The following AURKA variants were observed in gnomAD, a reference collection of about 807,000 sequenced individuals.
AURKA encodes aurora 2.
AURKA carries 12 observed loss-of-function variants against 40.9 expected under a neutral mutation model. The observed-to-expected ratio is 0.29, with a 90% confidence interval of 0.19 to 0.48. AURKA has a LOEUF of 0.48. Among genes scored for constraint, AURKA ranks in the 20% least tolerant of loss-of-function variants. AURKA has a pLI of 0.99. For synonymous variants in AURKA, 170 were observed against 164.3 expected (o/e 1.03, Z -0.26); for missense variants, 322 against 462.1 (o/e 0.70, Z 2.78).
At position 56,383,857 on chromosome 20, in the gene AURKA, G is replaced by C. The variant is rs2426616; in HGVS notation, c.374+413C>G. Among the ~76,000 whole-genome samples the C allele has an allele frequency of 0.01, 1,524 of 152,228 alleles. 49 individuals are homozygous for C. The East Asian group carries it at 0.12, about 12-fold the overall frequency. On this transcript the variant is annotated intron_variant, in intron 4 of 8. Transcript: ENST00000395915. ...CATTACAGCCAACCTTTACAATAAA[G>C]AACTAAAACTATAATACTGTCAAAA...
chr20:56,389,711 C>G (rs1225752817), intron 1 of AURKA, among the ~76,000 whole-genome samples: 1 of 152,196 alleles, frequency 6.6e-6, no homozygotes, highest in African/African-American at 2.4e-5. Flanking sequence ...CCACTCTCAC[C>G]TCCCCAAATC....
intron 1 of AURKA, chr20:56,390,520 T>C (rs1023049244): frequency 6.6e-6 from 1 of 152,154 alleles, no homozygotes; most frequent in African/African-American, 2.4e-5. Context: ...TTGGTAGGGC[T>C]GGTCTGGAAC....
chr20:56,373,237 T>C lies in AURKA; in HGVS notation c.854+171A>G, dbSNP rs1984505124. Among the ~76,000 whole-genome samples, 1 of 152,234 alleles carries C rather than the reference T, an allele frequency of 6.6e-6. No homozygotes were observed. The highest frequency in any genetic ancestry group is 1.5e-5 in the Non-Finnish European group (1 of 68,040). ...CCCAAATCTCCACAGAATAACACTT[T>C]CTTGCAAACCCTAGTTTATTATTAA... On this transcript the variant is annotated intron_variant, in intron 7 of 8. Transcript: ENST00000395915. The surrounding 1 kb of genome is among the most constrained non-coding windows in gnomAD (Gnocchi z 5.0).
At chr20:56,390,056 A>AC (rs1986875450) in intron 1 of AURKA, among the ~76,000 whole-genome samples, 1 of 152,000 alleles carries the variant, frequency 6.6e-6, no homozygotes, top group Non-Finnish European at 1.5e-5. Flanking sequence ...AGTTCAGAAG[A>AC]CCCCCATGGC....
chr20:56,384,821 A>C (rs1326964978), intron 3 of AURKA, among the ~76,000 whole-genome samples: 1 of 152,206 alleles, frequency 6.6e-6, no homozygotes, highest in Admixed American at 6.5e-5. Context: ...AAAAGCCACC[A>C]ATTCAGCAAA....
rs6014710 is a variant in AURKA at position 56,375,175 on chromosome 20, A to C, written c.706-1619T>G. Among the ~76,000 whole-genome samples the C allele has an allele frequency of 8.5e-3, 1,296 of 152,166 alleles. 16 individuals carry two copies. Among genetic ancestry groups the C allele is most frequent in the African/African-American group, 0.03 (1,226 of 41,520 alleles). On this transcript the variant is annotated intron_variant, in intron 6 of 8. Transcript: ENST00000395915. The stretch of plus-strand genomic sequence containing the variant: ...GGTCTCACTCTGTCACCCAGCCTGG[A>C]TTGCTATGGCATGATCATACCTCAC...
At chr20:56,387,059 G>C (rs1232154873) in intron 2 of AURKA, among the ~76,000 whole-genome samples, 3 of 152,124 alleles carry the variant, frequency 2.0e-5, no homozygotes, top group Non-Finnish European at 2.9e-5. Context: ...ATTAACCAAT[G>C]TTTCATTTTC....
chr20:56,376,666 C>T (rs915856331), intron 6 of AURKA, among the ~76,000 whole-genome samples: 9 of 151,756 alleles, frequency 5.9e-5, no homozygotes, highest in African/African-American at 2.4e-5. Context: ...CAATAAGAAA[C>T]GGCCCAAACT....
rs1481305382 is a variant in AURKA, at chr20:56,369,558, A to G, written c.*600T>C. On this transcript the variant is annotated 3_prime_UTR_variant, in exon 9 of 9. Transcript: ENST00000395915. ...GTGTTCCTATTTTTCACACTCTCAT[A>G]TGGGAGATAAGTGGTTAAGGAGGAC... 8.1e-6 allele frequency: 2 copies of G among 248,446 alleles called. No homozygotes were observed. The highest frequency in any genetic ancestry group is 1.6e-5 in the Non-Finnish European group (2 of 125,710). The allele number at this position is 248,446 out of a possible 1,614,324, so 15.4% of individuals were successfully genotyped here.
Position 56,369,905 on chromosome 20 carries a change from A to C in AURKA, c.*253T>G. On this transcript the variant is annotated 3_prime_UTR_variant, in exon 9 of 9. Coordinates refer to ENST00000395915, the MANE Select transcript of AURKA (RefSeq NM_198437.3). The stretch of plus-strand genomic sequence containing the variant: ...AGGCTGACGGGGCGGCTGCAGTCGA[A>C]CCTTGCCTCCAGATTATGAACCAGT... 1.7e-6 allele frequency: 1 copy of C among 574,292 alleles called. No homozygotes were observed. The highest frequency in any genetic ancestry group is 3.1e-6 in the Non-Finnish European group (1 of 318,900). The allele number at this position is 574,292 out of a possible 1,614,324, so 35.6% of individuals were successfully genotyped here. A position where few individuals can be genotyped will look rare whatever the true frequency, so the allele number is the denominator to read the frequency against.
At position 56,377,467 on chromosome 20, in the gene AURKA, G is replaced by A. The variant is rs146646125; in HGVS notation, c.706-3911C>T. ...AGATTTCAACAGGTGCCTCAAAGACGATACACAGATGGCAAATAAACACAT... is the reference window on the plus strand; with the variant it reads ...AGATTTCAACAGGTGCCTCAAAGACAATACACAGATGGCAAATAAACACAT... On this transcript the variant is annotated intron_variant, in intron 6 of 8. Transcript: ENST00000395915. 1.4e-4 allele frequency among the ~76,000 whole-genome samples: 22 copies of A among 151,766 alleles called. No individual in the cohort carries two copies. The East Asian group carries it at 4.1e-3, about 28-fold the overall frequency.
chr20:56,375,061 G>T (rs1984748911), intron 6 of AURKA, among the ~76,000 whole-genome samples: 1 of 152,004 alleles, frequency 6.6e-6, no homozygotes, highest in African/African-American at 2.4e-5. Flanking sequence ...AAAAAAGCAA[G>T]AAAAAGAAAA....
chr20:56,380,425 A>T (rs1046521888), intron 6 of AURKA, among the ~76,000 whole-genome samples: 1 of 152,134 alleles, frequency 6.6e-6, no homozygotes, highest in African/African-American at 2.4e-5. Flanking sequence ...CTGAACCACA[A>T]AATAAAGTAT....
chr20:56,384,328 T>C lies in AURKA; in HGVS notation c.320-4A>G, dbSNP rs1247860707. On this transcript the variant is annotated splice_region_variant and splice_polypyrimidine_tract_variant and intron_variant, in intron 3 of 8. Coordinates refer to ENST00000395915, the MANE Select transcript of AURKA (RefSeq NM_198437.3). Reference sequence around the variant, plus strand: ...AGTTCCTCCTCAGGATTATTTTCTATATGGAATAAGTTAAAAACCTGTTTT... The same window carrying C: ...AGTTCCTCCTCAGGATTATTTTCTACATGGAATAAGTTAAAAACCTGTTTT... 3.1e-6 allele frequency: 5 copies of C among 1,591,136 alleles called. No homozygotes were observed. Among genetic ancestry groups the C allele is most frequent in the South Asian group, 2.2e-5 (2 of 90,596 alleles).
At chr20:56,381,625 T>G in intron 5 of AURKA, 54 bp from the exon 6 acceptor site, 1 of 1,604,198 alleles carries the variant, frequency 6.2e-7, no homozygotes, top group Non-Finnish European at 8.5e-7. Context: ...CAGAAGACTA[T>G]GTACAAAATG....
intron 7 of AURKA, among the ~76,000 whole-genome samples, chr20:56,371,984 G>A (rs143840793): frequency 8.5e-5 from 13 of 152,346 alleles, no homozygotes; most frequent in South Asian, 6.2e-4. Flanking sequence ...ACTGCTGAAC[G>A]TAGGCACTGT....
chr20:56,384,320 A>T lies in AURKA; in HGVS notation c.324T>A (p.Asn108Lys). The T allele has an allele frequency of 6.3e-7, 1 of 1,596,250 alleles. No homozygotes were observed. The highest frequency in any genetic ancestry group is 8.6e-7 in the Non-Finnish European group (1 of 1,165,110). Reference protein sequence around the residue: ...SKQPLPSAPENNPEEELASKQ... With the variant: ...SKQPLPSAPEKNPEEELASKQ... ...TTGATGCCAGTTCCTCCTCAGGATT[A>T]TTTTCTATATGGAATAAGTTAAAAA... The change falls in exon 4 of 9, where the codon AAT becomes AAA. Residue 108 changes from asparagine (N) to lysine (K), a missense_variant. Asn to Lys is a moderately conservative substitution (Grantham distance 94). Transcript: ENST00000395915.
intron 2 of AURKA, among the ~76,000 whole-genome samples, chr20:56,387,476 G>T (rs1222165201): frequency 6.6e-6 from 1 of 152,160 alleles, no homozygotes; most frequent in African/African-American, 2.4e-5. Flanking sequence ...TTATACGCCT[G>T]TAAGTACTGT....
rs774112994 is a variant in AURKA, at chr20:56,370,518, G to A, written c.996C>T (p.Asn332=). ...FLVGKPPFEA[N]TYQETYKRIS... ...TTCTTTTGTAGGTCTCTTGGTATGT[G>A]TTTGCCTCAAAAGGAGGCTTCCCAA... The change falls in exon 8 of 9, where the codon AAC becomes AAT. Residue 332 remains asparagine, a synonymous_variant. Transcript: ENST00000395915. The A allele has an allele frequency of 2.0e-5, 33 of 1,614,154 alleles. No individual in the cohort carries two copies. The highest frequency in any genetic ancestry group is 1.6e-4 in the Middle Eastern group (1 of 6,062).
Sources: allele counts gnomAD v4.1 joint callset (sites outside exome capture counted in the v4.1 genomes callset), GRCh38; gene constraint gnomAD v4.1.1; non-coding constraint Gnocchi (gnomAD v3.1); transcripts MANE v1.5; gene names NCBI Gene and HGNC (gene_info 2026-07-23, HGNC 2026-07-21).